RHOU: variants seen among roughly 807,000 people sequenced by gnomAD.
RHOU encodes rho-related GTP-binding protein RhoU.
A neutral mutation model predicts 12.6 loss-of-function variants in RHOU; 8 were observed. The observed-to-expected ratio is 0.64, with a 90% CI of 0.37 to 1.15. The LOEUF (loss-of-function observed/expected upper bound fraction) is 1.15, where lower values mean the gene tolerates loss of function less well. Among genes scored for constraint, RHOU ranks in the 50% most tolerant of loss-of-function variants. The probability of loss-of-function intolerance (pLI) is 0.01; values close to 1 mark genes in which losing one functional copy is unlikely to be tolerated. For missense variants in RHOU, 258 were observed against 347.0 expected (o/e 0.74, Z 2.04); for synonymous variants, 161 against 147.4 (o/e 1.09, Z -0.67).
At chr1:228,707,122 A>ATG in the RHOU span, among the ~76,000 whole-genome samples, 5 of 81,562 alleles carry the variant, frequency 6.1e-5, no homozygotes, top group African/African-American at 2.8e-4. Context: ...ATATATATAT[A>ATG]TATACATATA....
chr1:228,682,795 A>C, the RHOU span, among the ~76,000 whole-genome samples: 1 of 152,176 alleles, frequency 6.6e-6, no homozygotes, highest in Non-Finnish European at 1.5e-5. Flanking sequence ...CCACTTATAT[A>C]AATATCAGTA....
At chr1:228,678,474 C>T in the RHOU span, among the ~76,000 whole-genome samples, 4 of 152,226 alleles carry the variant, frequency 2.6e-5, no homozygotes, top group East Asian at 5.8e-4. Context: ...TTGCCCTGAG[C>T]GATGGGATGT....
the RHOU span, among the ~76,000 whole-genome samples, chr1:228,693,726 A>G: frequency 3.3e-5 from 5 of 152,178 alleles, no homozygotes; most frequent in Non-Finnish European, 7.4e-5. Flanking sequence ...TTGGCCTCCC[A>G]AAGTGCTGGG....
At chr1:228,659,378 C>A in the RHOU span, among the ~76,000 whole-genome samples, 7 of 151,638 alleles carry the variant, frequency 4.6e-5, no homozygotes, top group Non-Finnish European at 7.4e-5. Flanking sequence ...AACTCCATCT[C>A]AAAAACAAAA....
the RHOU span, among the ~76,000 whole-genome samples, chr1:228,649,468 T>C: frequency 6.6e-6 from 1 of 152,186 alleles, no homozygotes; most frequent in Non-Finnish European, 1.5e-5. Flanking sequence ...TTTTATTAGG[T>C]TTTTGATTAC....
At chr1:228,699,564 A>G in the RHOU span, among the ~76,000 whole-genome samples, 2 of 151,622 alleles carry the variant, frequency 1.3e-5, no homozygotes, top group Non-Finnish European at 2.9e-5. Flanking sequence ...TGATTATTTC[A>G]TAAGAGGCCA....
intron 2 of RHOU, among the ~76,000 whole-genome samples, chr1:228,741,765 C>T (rs1662724402): frequency 6.6e-6 from 1 of 152,180 alleles, no homozygotes; most frequent in South Asian, 2.1e-4. Flanking sequence ...GCCTCAGCTT[C>T]CCAAGTAACT....
In RHOU at chr1:228,736,011, T is replaced by C; in HGVS notation, c.262+7T>C. ...GCCTTCGACAACTTCTCCGGTGAGCTGGCCGGGGGGCCGGGGCCGGGGGCG... is the reference window on the plus strand; with the variant it reads ...GCCTTCGACAACTTCTCCGGTGAGCCGGCCGGGGGGCCGGGGCCGGGGGCG... On this transcript the variant is annotated splice_region_variant and intron_variant, in intron 1 of 2. Transcript: ENST00000366691. 1.9e-6 allele frequency: 3 copies of C among 1,560,922 alleles called. No homozygotes were observed. Among genetic ancestry groups the C allele is most frequent in the Non-Finnish European group, 2.6e-6 (3 of 1,160,446 alleles).
chr1:228,707,742 G>C, the RHOU span, among the ~76,000 whole-genome samples: 1 of 152,158 alleles, frequency 6.6e-6, no homozygotes, highest in East Asian at 1.9e-4. Context: ...ACTCTAAAAA[G>C]CAGAGTGCCT....
the RHOU span, among the ~76,000 whole-genome samples, chr1:228,718,042 A>G: frequency 8.5e-5 from 13 of 152,198 alleles, no homozygotes; most frequent in Non-Finnish European, 1.5e-4. Flanking sequence ...CATAGTAAAG[A>G]TAGATAACTC....
At chr1:228,652,024 T>C in the RHOU span, among the ~76,000 whole-genome samples, 1 of 152,144 alleles carries the variant, frequency 6.6e-6, no homozygotes, top group South Asian at 2.1e-4. Context: ...TCACTGACCT[T>C]GGACTTTTAT....
chr1:228,695,665 G>A, the RHOU span, among the ~76,000 whole-genome samples: 3 of 152,238 alleles, frequency 2.0e-5, no homozygotes, highest in South Asian at 2.1e-4. Context: ...ATGAAAGGGT[G>A]TGAAGGGGGT....
At chr1:228,684,319 G>A in the RHOU span, among the ~76,000 whole-genome samples, 1 of 151,940 alleles carries the variant, frequency 6.6e-6, no homozygotes, top group African/African-American at 2.4e-5. Flanking sequence ...TTACCCATGT[G>A]AGCCACTGCG....
chr1:228,724,325 A>C, the RHOU span, among the ~76,000 whole-genome samples: 25,163 of 152,112 alleles, frequency 0.17, 2,267 homozygotes, highest in South Asian at 0.22. Context: ...GTTCCCCCCC[A>C]GATTTATTCA....
the RHOU span, among the ~76,000 whole-genome samples, chr1:228,716,747 C>T: frequency 3.1e-4 from 47 of 151,354 alleles, 1 homozygote; most frequent in East Asian, 4.7e-3. Context: ...TATACACACA[C>T]ATGTGTGTGT....
chr1:228,723,486 T>C, the RHOU span, among the ~76,000 whole-genome samples: 1 of 152,206 alleles, frequency 6.6e-6, no homozygotes, highest in African/African-American at 2.4e-5. Flanking sequence ...CATGATGTTC[T>C]ACACACGTGA....
At chr1:228,711,050 C>T in the RHOU span, among the ~76,000 whole-genome samples, 3 of 152,010 alleles carry the variant, frequency 2.0e-5, no homozygotes, top group Non-Finnish European at 4.4e-5. Context: ...AGTGAACTCC[C>T]ATTCACAATT....
the RHOU span, among the ~76,000 whole-genome samples, chr1:228,647,340 G>C: frequency 6.6e-6 from 1 of 152,234 alleles, no homozygotes; most frequent in Non-Finnish European, 1.5e-5. Flanking sequence ...TGCAGAGTGC[G>C]CCCGCCCTTT....
chr1:228,718,814 A>G, the RHOU span, among the ~76,000 whole-genome samples: 44 of 152,196 alleles, frequency 2.9e-4, 1 homozygote, highest in East Asian at 2.3e-3. Flanking sequence ...CCGCCAGAAC[A>G]TGAACTGGGA....
Sources: gnomAD v4.1 joint callset for allele counts (sites outside exome capture counted in the v4.1 genomes callset) on GRCh38, gnomAD v4.1.1 for gene constraint, MANE v1.5 for transcripts, NCBI Gene and HGNC (gene_info 2026-07-23, HGNC 2026-07-21) for gene names.